Variants in IRS4 observed in about 807,000 individuals in gnomAD.
IRS4 encodes 160 kDa phosphotyrosine protein.
IRS4 carries 15 observed loss-of-function variants against 48.6 expected under a neutral mutation model. The observed-to-expected ratio is 0.31, with a 90% CI of 0.21 to 0.48. IRS4 has a LOEUF of 0.48. Among genes scored for constraint, IRS4 ranks in the 20% least tolerant of loss-of-function variants. IRS4 has a pLI of 0.99. For missense variants in IRS4, 987 were observed against 1,023.4 expected (o/e 0.96, Z 0.49); for synonymous variants, 459 against 413.2 (o/e 1.11, Z -1.34).
At position 108,734,501 on chromosome X, in the gene IRS4, T is replaced by C. The variant is rs1448791811; in HGVS notation, c.1844A>G (p.Tyr615Cys). 8.3e-7 allele frequency: 1 copy of C among 1,211,479 alleles called. No homozygotes were observed. The highest frequency in any genetic ancestry group is 1.1e-6 in the Non-Finnish European group (1 of 895,466). Residue 615 changes from tyrosine to cysteine, a missense_variant, in exon 1 of 2, where the codon TAT becomes TGT. Around this residue, in one of 4 missense-constraint regions of IRS4, gnomAD observed 720 missense variants for 660.3 expected, o/e 1.09. Transcript: ENST00000372129. ...ERGKSLKKRSYFGKLTQSKQQ... is the reference protein window; with the variant it reads ...ERGKSLKKRSCFGKLTQSKQQ... Reference sequence around the variant, plus strand: ...CTTGCTTTGAGTTAATTTGCCAAAATAGGATCTTTTCTTCAGAGATTTTCC... The same window carrying C: ...CTTGCTTTGAGTTAATTTGCCAAAACAGGATCTTTTCTTCAGAGATTTTCC...
In IRS4 at chrX:108,734,725, T is replaced by G; in HGVS notation, c.1620A>C (p.Ser540=). 8.3e-7 allele frequency: 1 copy of G among 1,211,082 alleles called. No homozygotes were observed. The highest frequency in any genetic ancestry group is 1.1e-6 in the Non-Finnish European group (1 of 895,413). ...CATCTCTAGAGCACTGGTTTCCTCC[T>G]GAGCCCTGGCCATTTGAGCCCTGAC... ...RGGQGSNGQG[S]GGNQCSRDGQ... is the part of the protein sequence containing the mutation. Residue 540 remains serine, a synonymous_variant, in exon 1 of 2, where the codon TCA becomes TCC. Transcript: ENST00000372129.
chrX:108,728,832 C>T (rs963977713), intron 1 of IRS4, among the ~76,000 whole-genome samples: 17 of 111,553 alleles, frequency 1.5e-4, no homozygotes, highest in Non-Finnish European at 2.6e-4. Context: ...TAAGAGATCT[C>T]GTTCGAATTT....
At position 108,736,157 on chromosome X, in the gene IRS4, C is replaced by T. The variant is rs773020471; in HGVS notation, c.188G>A (p.Arg63Gln). Residue 63 changes from arginine (R) to glutamine (Q), a missense_variant, in exon 1 of 2, where the codon CGG (arginine) becomes CAG (glutamine). Arg to Gln is a conservative substitution (Grantham distance 43). Transcript: ENST00000372129. ...CTCCTCTTCGGACTCGGAGTCTGAC[C>T]GGGAGCCAGTGGCCGTGGAGAGCCA... is the stretch of plus-strand genomic sequence containing the variant. ...AMWLSTATGS[R>Q]SDSESEEEDL... 3 of 1,208,039 alleles carry T rather than the reference C, an allele frequency of 2.5e-6. No individual in the cohort carries two copies. The African/African-American group carries it at 5.3e-5, about 21-fold the overall frequency.
At chrX:108,726,592 C>T (rs2063528533) in intron 1 of IRS4, 1 of 111,230 alleles carries the variant, frequency 9.0e-6, no homozygotes, top group Admixed American at 9.6e-5. Context: ...TTTCAAGGGC[C>T]CCATGGATAC....
chrX:108,729,453 A>C (rs182440156), intron 1 of IRS4, among the ~76,000 whole-genome samples: 2 of 111,310 alleles, frequency 1.8e-5, no homozygotes, highest in East Asian at 5.6e-4. Flanking sequence ...TGAATTGTAC[A>C]TCAGGTAAGG....
At position 108,734,130 on chromosome X, in the gene IRS4, C is replaced by T. The variant is rs2068928305; in HGVS notation, c.2215G>A (p.Asp739Asn). Residue 739 changes from aspartate to asparagine, a missense_variant, in exon 1 of 2, where the codon GAT (aspartate) becomes AAT (asparagine). Coordinates refer to ENST00000372129, the MANE Select transcript of IRS4 (RefSeq NM_001379150.1). ...KKRHSRSPFEDSRGYMMMFPR... is the reference protein window; with the variant it reads ...KKRHSRSPFENSRGYMMMFPR... Reference sequence around the variant, plus strand: ...AACATCATCATGTACCCTCTTGAATCTTCAAAAGGGGATCGAGAGTGGCGC... The same window carrying T: ...AACATCATCATGTACCCTCTTGAATTTTCAAAAGGGGATCGAGAGTGGCGC... 8.3e-7 allele frequency: 1 copy of T among 1,211,121 alleles called. No individual in the cohort carries two copies. The highest frequency in any genetic ancestry group is 1.1e-6 in the Non-Finnish European group (1 of 895,213).
At chrX:108,724,579 G>A (rs771010420) in intron 1 of IRS4, 3 of 111,736 alleles carry the variant, frequency 2.7e-5, no homozygotes, top group South Asian at 3.7e-4. Context: ...AAAGAACAGC[G>A]TAAGGAAGCA....
intron 1 of IRS4, among the ~76,000 whole-genome samples, chrX:108,731,659 G>C (rs976115240): frequency 7.2e-5 from 8 of 111,800 alleles, no homozygotes; most frequent in African/African-American, 2.6e-4. Context: ...TGCCCCTGGA[G>C]TCAGGTCTTC....
rs181254741 is a variant in IRS4 at position 108,732,811 on chromosome X, G to T, written c.3534C>A (p.Ala1178=). ...NAADAEAVRG[A]QDVAGGSNPG... ...GGTTCGAGCCACCGGCAACGTCTTG[G>T]GCTCCCCTTACTGCTTCGGCATCAG... Residue 1178 remains alanine, a synonymous_variant, in exon 1 of 2, where the codon GCC becomes GCA. Coordinates refer to ENST00000372129, the MANE Select transcript of IRS4 (RefSeq NM_001379150.1). 266 of 1,186,729 alleles carry T rather than the reference G, an allele frequency of 2.2e-4. 2 individuals carry two copies. In the East Asian group the frequency reaches 7.9e-3, roughly 35 times the overall value.
In IRS4 at chrX:108,720,585, C is replaced by T. The variant is rs2068852388; in HGVS notation, c.*1934G>A. On this transcript the variant is annotated 3_prime_UTR_variant, in exon 2 of 2. Transcript: ENST00000372129. ...GCAAATAAAGTGATACAGTATTTTC[C>T]CCCAAGTAATCTTTTTTCCCACAAT... 1 of 111,662 alleles carries T rather than the reference C, an allele frequency of 9.0e-6. No homozygotes were observed. The highest frequency in any genetic ancestry group is 3.3e-5 in the African/African-American group (1 of 30,690). 9.2% of individuals were successfully genotyped at this position (111,662 alleles called of 1,213,427 possible). A position where few individuals can be genotyped will look rare whatever the true frequency, so the allele number is the denominator to read the frequency against.
At position 108,736,207 on chromosome X, in the gene IRS4, G is replaced by A. The variant is rs73253702; in HGVS notation, c.138C>T (p.Thr46=). The change falls in exon 1 of 2, where the codon ACC becomes ACT. Residue 46 remains threonine, a synonymous_variant. Coordinates refer to ENST00000372129, the MANE Select transcript of IRS4 (RefSeq NM_001379150.1). ...SSGTPTALIG[T]GSSCPGAMWL... Reference sequence around the variant, plus strand: ...ACATGGCTCCCGGACAAGACGACCCGGTCCCAATGAGTGCGGTCGGGGTTC... The same window carrying A: ...ACATGGCTCCCGGACAAGACGACCCAGTCCCAATGAGTGCGGTCGGGGTTC... The A allele has an allele frequency of 0.06, 72,327 of 1,208,224 alleles. 1,589 individuals carry two copies. The highest frequency in any genetic ancestry group is 0.082 in the Admixed American group (3,759 of 45,810).
rs182982992 is a variant in IRS4 at position 108,720,174 on chromosome X, G to C, written c.*2345C>G. The C allele has an allele frequency of 6.2e-5, 7 of 112,343 alleles. No homozygotes were observed. The East Asian group carries it at 1.9e-3, about 31-fold the overall frequency. The allele number at this position is 112,343 out of a possible 1,213,427, so 9.3% of individuals were successfully genotyped here. On this transcript the variant is annotated 3_prime_UTR_variant, in exon 2 of 2. Transcript: ENST00000372129. ...GCAGAAATAGCAGATGTAATTAGCT[G>C]GTGGAACTGTAAAGTTTCAGTTTTT...
At chrX:108,731,234 C>G (rs1252310774) in intron 1 of IRS4, among the ~76,000 whole-genome samples, 3 of 110,749 alleles carry the variant, frequency 2.7e-5, no homozygotes, top group African/African-American at 9.9e-5. Context: ...GGGGGCTACA[C>G]CTGCATTAAA....
At chrX:108,724,551 A>C (rs1256263075) in intron 1 of IRS4, 1 of 111,925 alleles carries the variant, frequency 8.9e-6, no homozygotes, top group African/African-American at 3.2e-5. Flanking sequence ...ATGAGTTTAC[A>C]TTCCCGGGGC....
At position 108,732,696 on chromosome X, in the gene IRS4, G is replaced by A; in HGVS notation, c.3649C>T (p.Pro1217Ser). ...GGTCTTGGCACCCGGCGACTGCGAG[G>A]TGGTGGTTCCGGAGCGGCAGCTGCA... ...AAAAAAPEPP[P>S]RSRRVPRPPE... The change falls in exon 1 of 2, where the codon CCT becomes TCT. Residue 1217 changes from proline to serine, a missense_variant. By Grantham distance (74) the Pro-to-Ser change is moderately conservative. Coordinates refer to ENST00000372129, the MANE Select transcript of IRS4 (RefSeq NM_001379150.1). The A allele has an allele frequency of 8.3e-7, 1 of 1,211,940 alleles. No homozygotes were observed. The highest frequency in any genetic ancestry group is 1.1e-6 in the Non-Finnish European group (1 of 895,447).
rs933375083 is a variant in IRS4, at chrX:108,732,823, T to C, written c.3522A>G (p.Ala1174=). The C allele has an allele frequency of 4.2e-6, 5 of 1,180,030 alleles. No homozygotes were observed. Among genetic ancestry groups the C allele is most frequent in the Non-Finnish European group, 5.7e-6 (5 of 879,087 alleles). ...CGGCAACGTCTTGGGCTCCCCTTAC[T>C]GCTTCGGCATCAGCAGCATTAGCAA... is the stretch of plus-strand genomic sequence containing the variant. ...QPVANAADAE[A]VRGAQDVAGG... The change falls in exon 1 of 2, where the codon GCA becomes GCG. Residue 1174 remains alanine (A), a synonymous_variant. Coordinates refer to ENST00000372129, the MANE Select transcript of IRS4 (RefSeq NM_001379150.1).
Position 108,733,965 on chromosome X carries a change from T to C in IRS4, c.2380A>G (p.Arg794Gly). Residue 794 changes from arginine to glycine, a missense_variant, in exon 1 of 2, where the codon AGA becomes GGA. Transcript: ENST00000372129. ...GAGGAAGAGCCACCCTGAGGATTTC[T>C]GGGGTTTTTTGGAATTGCACCGGCT... ...PGAGAIPKNP[R>G]NPQGGSSSKS... 8.3e-7 allele frequency: 1 copy of C among 1,211,813 alleles called. No homozygotes were observed. Among genetic ancestry groups the C allele is most frequent in the Non-Finnish European group, 1.1e-6 (1 of 895,508 alleles).
In IRS4 at chrX:108,734,188, T is replaced by C. The variant is rs751261779; in HGVS notation, c.2157A>G (p.Pro719=). 3.3e-6 allele frequency: 4 copies of C among 1,208,935 alleles called. No individual in the cohort carries two copies. The highest frequency in any genetic ancestry group is 3.4e-6 in the Non-Finnish European group (3 of 894,999). ...TPLVSSSDYM[P]MAPQNVSASK... ...AAGCAGAGACATTTTGAGGAGCCAT[T>C]GGCATATAATCACTGGAGCTTACAA... The change falls in exon 1 of 2, where the codon CCA becomes CCG. Residue 719 remains proline, a synonymous_variant. Transcript: ENST00000372129.
rs1179584702 is a variant in IRS4, at chrX:108,733,743, CAGGCTTTG to C, written c.2594_2601del (p.Ser865TrpfsTer13). On this transcript the variant is annotated frameshift_variant, in exon 1 of 2. Transcript: ENST00000372129. LOFTEE classifies it high-confidence loss of function. The stretch of plus-strand genomic sequence containing the variant: ...GGCTTTGAAGGTGATCCCCCATCTC[CAGGCTTTG>C]AGAATGATCCCTCACCTGAAGGCTT... 1 of 1,211,886 alleles carries C rather than the reference CAGGCTTTG, an allele frequency of 8.3e-7. No homozygotes were observed. Among genetic ancestry groups the C allele is most frequent in the Admixed American group, 2.2e-5 (1 of 46,034 alleles).
Sources: gnomAD v4.1 joint callset for allele counts (sites outside exome capture counted in the v4.1 genomes callset) on GRCh38, gnomAD v4.1.1 for gene constraint, gnomAD v4.1.1 regional missense constraint, MANE v1.5 for transcripts, NCBI Gene and HGNC (gene_info 2026-07-23, HGNC 2026-07-21) for gene names.